Variants in CAMK4 observed in about 807,000 individuals in gnomAD.
The protein encoded by CAMK4 is calcium/calmodulin dependent protein kinase IV, also known as calcium/calmodulin-dependent protein kinase type IV.
In CAMK4, 22 loss-of-function variants were observed where a neutral mutation model predicts 44.9. That is an observed-to-expected ratio of 0.49 (90% CI 0.35 to 0.70). The LOEUF (loss-of-function observed/expected upper bound fraction) is 0.70, where lower values mean the gene tolerates loss of function less well. CAMK4 is among the 30% of genes least tolerant of loss of function. CAMK4 has a pLI of 0.01. For missense variants in CAMK4, 498 were observed against 586.8 expected, an observed-to-expected ratio of 0.85 and a Z score of 1.56; for synonymous variants, 218 against 215.4, an observed-to-expected ratio of 1.01 and a Z score of -0.11.
In CAMK4 at chr5:111,240,454, G is replaced by A. The variant is rs146618453; in HGVS notation, c.161+15810G>A. Among the ~76,000 whole-genome samples, 67 of 152,272 alleles carry A rather than the reference G, an allele frequency of 4.4e-4. No individual in the cohort carries two copies. The East Asian group carries it at 8.1e-3, about 18-fold the overall frequency. ...TACCTAAAAAATGTATTTCTCTAAC[G>A]TGATACCTAAGTTGTAAAAGAAAGT... On this transcript the variant is annotated intron_variant, in intron 1 of 10. Coordinates refer to ENST00000282356, the MANE Select transcript of CAMK4 (RefSeq NM_001744.6).
Position 111,488,185 on chromosome 5 carries a change from C to T in CAMK4, c.*3719C>T, listed in dbSNP as rs1755698729. 6.6e-6 allele frequency: 1 copy of T among 152,184 alleles called. No homozygotes were observed. The highest frequency in any genetic ancestry group is 1.5e-5 in the Non-Finnish European group (1 of 68,036). 9.4% of individuals were successfully genotyped at this position (152,184 alleles called of 1,614,324 possible). A position where few individuals can be genotyped will look rare whatever the true frequency, so the allele number is the denominator to read the frequency against. On this transcript the variant is annotated 3_prime_UTR_variant, in exon 11 of 11. Coordinates refer to ENST00000282356, the MANE Select transcript of CAMK4 (RefSeq NM_001744.6). ...CTTCATGCCATCCTTGTATCACAGG[C>T]AATATGTCTTTCTGGAAATCTAATG...
In CAMK4 at chr5:111,484,635, TATGAAA is replaced by T. The variant is rs1432632952; in HGVS notation, c.*172_*177del. ...CTAACTTCAATGCATGTGACTGCTT[TATGAAA>T]ATAATAGTGTCTTCTATGGCATGTA... On this transcript the variant is annotated 3_prime_UTR_variant, in exon 11 of 11. Coordinates refer to ENST00000282356, the MANE Select transcript of CAMK4 (RefSeq NM_001744.6). The surrounding 1 kb of genome is among the most constrained non-coding windows in gnomAD (Gnocchi z 5.3). 20 of 427,388 alleles carry T rather than the reference TATGAAA, an allele frequency of 4.7e-5. 1 individual carries two copies. The highest frequency in any genetic ancestry group is 1.0e-4 in the East Asian group (3 of 28,766). The allele number at this position is 427,388 out of a possible 1,614,324, so 26.5% of individuals were successfully genotyped here.
intron 5 of CAMK4, among the ~76,000 whole-genome samples, chr5:111,442,797 TTAATA>T (rs1753875164): frequency 6.7e-6 from 1 of 148,456 alleles, no homozygotes; most frequent in South Asian, 2.1e-4. Context: ...TAACATAATA[TTAATA>T]TATTTAATAT....
At chr5:111,352,637 C>G (rs1005075652) in intron 2 of CAMK4, among the ~76,000 whole-genome samples, 2 of 109,102 alleles carry the variant, frequency 1.8e-5, no homozygotes, top group South Asian at 4.2e-4. Context: ...GGCAGAATAG[C>G]AGAGAGAGAG....
chr5:111,232,256 GATAA>G (rs1561350097), intron 1 of CAMK4, among the ~76,000 whole-genome samples: 1 of 152,052 alleles, frequency 6.6e-6, no homozygotes, highest in African/African-American at 2.4e-5. Flanking sequence ...TTTAATAAAA[GATAA>G]ATTAATGAAT....
chr5:111,482,989 C>G lies in CAMK4; in HGVS notation c.981+52C>G. 6.9e-7 allele frequency: 1 copy of G among 1,456,970 alleles called. No individual in the cohort carries two copies. The highest frequency in any genetic ancestry group is 1.8e-4 in the Middle Eastern group (1 of 5,636). The allele number at this position is 1,456,970 out of a possible 1,614,324, so 90.3% of individuals were successfully genotyped here. ...TTTGTTTTGTTTTCAAAAAATTTATCTCATCTTGATCTATCAATAATAGTT... is the reference window on the plus strand; with the variant it reads ...TTTGTTTTGTTTTCAAAAAATTTATGTCATCTTGATCTATCAATAATAGTT... On this transcript the variant is annotated intron_variant, in intron 10 of 10. Coordinates refer to ENST00000282356, the MANE Select transcript of CAMK4 (RefSeq NM_001744.6). This position sits in a 1 kb window ranked among gnomAD's most constrained non-coding sequence, Gnocchi z 4.9.
At position 111,482,957 on chromosome 5, in the gene CAMK4, G is replaced by T. The variant is rs768994269; in HGVS notation, c.981+20G>T. The T allele has an allele frequency of 6.4e-6, 10 of 1,556,970 alleles. No homozygotes were observed. The highest frequency in any genetic ancestry group is 7.8e-6 in the Non-Finnish European group (9 of 1,155,442). ...CTTAAGGTAAGATAGCATATATTTT[G>T]TTTTGTTTTGTTTTGTTTTCAAAAA... On this transcript the variant is annotated intron_variant, in intron 10 of 10. Transcript: ENST00000282356. This position sits in a 1 kb window ranked among gnomAD's most constrained non-coding sequence, Gnocchi z 4.9.
At chr5:111,298,769 G>C (rs184276886) in intron 1 of CAMK4, among the ~76,000 whole-genome samples, 1 of 152,368 alleles carries the variant, frequency 6.6e-6, no homozygotes, top group East Asian at 1.9e-4. Flanking sequence ...GATCAGATGA[G>C]AAAGGCTGTG....
chr5:111,250,822 T>C (rs1451099501), intron 1 of CAMK4, among the ~76,000 whole-genome samples: 3 of 152,164 alleles, frequency 2.0e-5, no homozygotes, highest in African/African-American at 7.2e-5. Flanking sequence ...TAAAAAAGTT[T>C]ATGTAGAGAT....
chr5:111,446,564 T>A (rs1053962801), intron 5 of CAMK4, 122 bp from the exon 6 acceptor site: 38 of 589,128 alleles, frequency 6.5e-5, no homozygotes, highest in African/African-American at 5.7e-4. Flanking sequence ...TGGTACTTAT[T>A]GTTAAGTCAT....
intron 1 of CAMK4, among the ~76,000 whole-genome samples, chr5:111,311,394 A>G (rs1748197084): frequency 6.6e-6 from 1 of 152,166 alleles, no homozygotes; most frequent in Admixed American, 6.5e-5. Context: ...TACCTCTGGG[A>G]TTTCTGTTTG....
intron 5 of CAMK4, among the ~76,000 whole-genome samples, chr5:111,435,183 T>C (rs1753601755): frequency 6.6e-6 from 1 of 152,194 alleles, no homozygotes; most frequent in Non-Finnish European, 1.5e-5. Context: ...ATTGGAGCTT[T>C]TATATTTTTT....
chr5:111,317,553 C>T (rs544597147), intron 1 of CAMK4, among the ~76,000 whole-genome samples: 1 of 152,226 alleles, frequency 6.6e-6, no homozygotes, highest in South Asian at 2.1e-4. Flanking sequence ...CTATTTTTAA[C>T]ATGTTTCAGA....
Position 111,493,134 on chromosome 5 carries a change from T to TA in CAMK4, c.*8669dup, listed in dbSNP as rs1755918041. ...AATCTCATCTCGTGCAAAATTGAAT[T>TA]AGACTTCCTTACTCCTTCCTTACTC... On this transcript the variant is annotated 3_prime_UTR_variant, in exon 11 of 11. Transcript: ENST00000282356. The surrounding 1 kb of genome is among the most constrained non-coding windows in gnomAD (Gnocchi z 4.1). 6.6e-6 allele frequency: 1 copy of TA among 152,182 alleles called. No homozygotes were observed. The highest frequency in any genetic ancestry group is 2.4e-5 in the African/African-American group (1 of 41,438). 9.4% of individuals were successfully genotyped at this position (152,182 alleles called of 1,614,324 possible). A position where few individuals can be genotyped will look rare whatever the true frequency, so the allele number is the denominator to read the frequency against.
intron 5 of CAMK4, among the ~76,000 whole-genome samples, chr5:111,433,750 A>G (rs891661362): frequency 6.6e-6 from 1 of 152,220 alleles, no homozygotes; most frequent in African/African-American, 2.4e-5. Flanking sequence ...TGTGTACAGC[A>G]TGGCTTAGGA....
intron 1 of CAMK4, among the ~76,000 whole-genome samples, chr5:111,318,867 G>A (rs1256903332): frequency 6.6e-6 from 1 of 152,156 alleles, no homozygotes; most frequent in Non-Finnish European, 1.5e-5. Context: ...TGCAAATACT[G>A]TTGACAAAGA....
intron 1 of CAMK4, among the ~76,000 whole-genome samples, chr5:111,286,875 T>C (rs1477900909): frequency 6.6e-6 from 1 of 152,194 alleles, no homozygotes; most frequent in African/African-American, 2.4e-5. Context: ...ATGGTTGAAC[T>C]TCTTTGAAGT....
chr5:111,241,657 G>A (rs980763834), intron 1 of CAMK4, among the ~76,000 whole-genome samples: 8 of 152,194 alleles, frequency 5.3e-5, no homozygotes, highest in African/African-American at 1.9e-4. Context: ...GTTCTGTAAG[G>A]AATATTTCTG....
chr5:111,245,329 T>G (rs1242036213), intron 1 of CAMK4, among the ~76,000 whole-genome samples: 10 of 152,218 alleles, frequency 6.6e-5, no homozygotes, highest in African/African-American at 1.2e-4. Context: ...GCTTTAAGTT[T>G]CTTTAACTGA....
Sources: allele counts gnomAD v4.1 joint callset (sites outside exome capture counted in the v4.1 genomes callset), GRCh38; gene constraint gnomAD v4.1.1; non-coding constraint Gnocchi (gnomAD v3.1); transcripts MANE v1.5; gene names NCBI Gene and HGNC (gene_info 2026-07-23, HGNC 2026-07-21).